The following PLEKHA5 variants were observed in gnomAD, a reference collection of about 807,000 sequenced individuals.
The protein encoded by PLEKHA5 is pleckstrin homology domain containing A5.
A neutral mutation model predicts 181.9 loss-of-function variants in PLEKHA5; 55 were observed. The ratio of observed to expected loss-of-function variants is 0.30; its 90% CI spans 0.24 to 0.38. PLEKHA5 has a LOEUF of 0.38. Ranked by LOEUF, PLEKHA5 falls within the 10% of genes least tolerant of loss-of-function variation. The probability of loss-of-function intolerance (pLI) is 1.00; values close to 1 mark genes in which losing one functional copy is unlikely to be tolerated. For synonymous variants in PLEKHA5, 535 were observed against 529.4 expected (o/e 1.01, Z -0.15); for missense variants, 1,432 against 1,549.5 (o/e 0.92, Z 1.27).
chr12:19,297,388 C>A (rs1158421151), intron 15 of PLEKHA5, among the ~76,000 whole-genome samples: 1 of 150,024 alleles, frequency 6.7e-6, no homozygotes. Context: ...TTTGGGAGGC[C>A]GAGGCAGGTG....
Position 19,320,003 on chromosome 12 carries a change from T to C in PLEKHA5, c.2119-18T>C. On this transcript the variant is annotated intron_variant, in intron 16 of 31. Coordinates refer to ENST00000429027, the MANE Select transcript of PLEKHA5 (RefSeq NM_001256470.2). ...CTCTTTTCAATTAAACCCATCCTTTTCCTTCATTATCTTTTAGTTCTTAAG... is the reference window on the plus strand; with the variant it reads ...CTCTTTTCAATTAAACCCATCCTTTCCCTTCATTATCTTTTAGTTCTTAAG... 1 of 1,353,758 alleles carries C rather than the reference T, an allele frequency of 7.4e-7. No individual in the cohort carries two copies. Among genetic ancestry groups the C allele is most frequent in the Non-Finnish European group, 1.0e-6 (1 of 994,756 alleles). The allele number at this position is 1,353,758 out of a possible 1,614,324, so 83.9% of individuals were successfully genotyped here.
Position 19,283,642 on chromosome 12 carries a change from A to G in PLEKHA5, c.1676A>G (p.Tyr559Cys). Reference sequence around the variant, plus strand: ...CCTTCCCACGGGTCAATAGCTGCTTATCAGGGATACTCCCCTCAACGAACT... The same window carrying G: ...CCTTCCCACGGGTCAATAGCTGCTTGTCAGGGATACTCCCCTCAACGAACT... ...TSPSHGSIAA[Y>C]QGYSPQRTYR... is the part of the protein sequence containing the mutation. Residue 559 changes from tyrosine (Y) to cysteine (C), a missense_variant, in exon 12 of 32, where the codon TAT becomes TGT. Transcript: ENST00000429027. 1 of 1,614,144 alleles carries G rather than the reference A, an allele frequency of 6.2e-7. No homozygotes were observed. Among genetic ancestry groups the G allele is most frequent in the East Asian group, 2.2e-5 (1 of 44,872 alleles).
intron 3 of PLEKHA5, among the ~76,000 whole-genome samples, chr12:19,140,087 C>G (rs765213703): frequency 1.5e-4 from 23 of 152,160 alleles, no homozygotes; most frequent in Non-Finnish European, 2.6e-4. Context: ...ACATTTTGAA[C>G]TCATAGTTGT....
intron 5 of PLEKHA5, among the ~76,000 whole-genome samples, chr12:19,255,695 T>A (rs2066687067): frequency 6.6e-6 from 1 of 151,798 alleles, no homozygotes; most frequent in African/African-American, 2.4e-5. Context: ...ACAGGCTAAC[T>A]GAGCATAATG....
chr12:19,353,523 G>A lies in PLEKHA5; in HGVS notation c.3020-361G>A, dbSNP rs117278370. Among the ~76,000 whole-genome samples the A allele has an allele frequency of 6.5e-3, 976 of 150,298 alleles. 8 individuals are homozygous for A. Among genetic ancestry groups the A allele is most frequent in the African/African-American group, 0.022 (916 of 40,832 alleles). On this transcript the variant is annotated intron_variant, in intron 25 of 31. Transcript: ENST00000429027. ...GTTGCCCACGCTGGTGCAATGGTGC[G>A]ATCTCGGTTTACTGCAACCTCTGAC...
intron 15 of PLEKHA5, among the ~76,000 whole-genome samples, chr12:19,311,131 C>T (rs2086353801): frequency 6.6e-6 from 1 of 151,894 alleles, no homozygotes; most frequent in African/African-American, 2.4e-5. Flanking sequence ...CGTCGTAGAA[C>T]CTCTTTCAGA....
intron 3 of PLEKHA5, among the ~76,000 whole-genome samples, chr12:19,147,723 A>T (rs752366589): frequency 6.6e-6 from 1 of 152,036 alleles, no homozygotes; most frequent in Non-Finnish European, 1.5e-5. Context: ...TGTATAATTA[A>T]ACAGGTTTGA....
At chr12:19,198,009 T>C (rs1160658874) in intron 3 of PLEKHA5, among the ~76,000 whole-genome samples, 3 of 152,034 alleles carry the variant, frequency 2.0e-5, no homozygotes, top group Non-Finnish European at 4.4e-5. Context: ...TGCTCACTTC[T>C]CTCCATCTCT....
intron 3 of PLEKHA5, among the ~76,000 whole-genome samples, chr12:19,160,783 G>C (rs776261648): frequency 1.1e-4 from 16 of 151,960 alleles, no homozygotes; most frequent in Non-Finnish European, 2.1e-4. Flanking sequence ...ACAGTGCTGG[G>C]TCAATGTATG....
chr12:19,261,143 C>G (rs1425500671), intron 7 of PLEKHA5, 122 bp downstream of exon 7: 3 of 526,970 alleles, frequency 5.7e-6, no homozygotes, highest in Non-Finnish European at 1.0e-5. Context: ...CAAATAGTAT[C>G]AAACAGATTT....
At chr12:19,272,406 G>A (rs1186052223) in intron 10 of PLEKHA5, among the ~76,000 whole-genome samples, 1 of 151,684 alleles carries the variant, frequency 6.6e-6, no homozygotes, top group African/African-American at 2.4e-5. Context: ...ATAAATCTTG[G>A]GGAAAAAGAA....
At chr12:19,152,417 C>T (rs1483681139) in intron 3 of PLEKHA5, 1 of 152,160 alleles carries the variant, frequency 6.6e-6, no homozygotes, top group Non-Finnish European at 1.5e-5. Flanking sequence ...AGAGACTGTA[C>T]ATGAAGAATA....
intron 3 of PLEKHA5, among the ~76,000 whole-genome samples, chr12:19,173,270 G>T (rs554922428): frequency 1.3e-5 from 2 of 151,370 alleles, no homozygotes; most frequent in Admixed American, 6.6e-5. Context: ...TGATCCACCC[G>T]CCTCGGCCTC....
chr12:19,181,370 A>G (rs73056362), intron 3 of PLEKHA5, among the ~76,000 whole-genome samples: 576 of 152,388 alleles, frequency 3.8e-3, no homozygotes, highest in Non-Finnish European at 6.0e-3. Flanking sequence ...CAATAATTGT[A>G]TAGCATTGAA....
intron 29 of PLEKHA5, among the ~76,000 whole-genome samples, chr12:19,363,130 T>TTTTG (rs1565667488): frequency 6.6e-6 from 1 of 150,436 alleles, no homozygotes; most frequent in African/African-American, 2.4e-5. Flanking sequence ...TTGTTTTTTT[T>TTTTG]TTGTTGTTGT....
At chr12:19,247,646 CTGATTGTAGTAAA>C (rs2064080476) in intron 3 of PLEKHA5, among the ~76,000 whole-genome samples, 1 of 151,524 alleles carries the variant, frequency 6.6e-6, no homozygotes, top group South Asian at 2.1e-4. Context: ...ATTTACTCTT[CTGATTGTAGTAAA>C]TGATTAAAAC....
At chr12:19,337,746 A>T (rs2093563720) in intron 21 of PLEKHA5, among the ~76,000 whole-genome samples, 1 of 152,086 alleles carries the variant, frequency 6.6e-6, no homozygotes, top group African/African-American at 2.4e-5. Flanking sequence ...GTTAAGTTCA[A>T]GACCAACCAG....
chr12:19,205,347 T>G (rs2055170008), intron 3 of PLEKHA5: 1 of 983,642 alleles, frequency 1.0e-6, no homozygotes, highest in Non-Finnish European at 1.2e-6. Flanking sequence ...GGTGTGCCCC[T>G]TTGTCATCGT....
chr12:19,322,344 T>C lies in PLEKHA5; in HGVS notation c.2252T>C (p.Val751Ala), dbSNP rs774764582. ...AGCCGATTATGTGAACAAGATAAAG[T>C]GGTGCATGCTCTGGAAGAGAAACTT... ...KLSRLCEQDK[V>A]VHALEEKLQQ... is the part of the protein sequence containing the mutation. Residue 751 changes from valine to alanine, a missense_variant, in exon 19 of 32, where the codon GTG (valine) becomes GCG (alanine). By Grantham distance (64) the Val-to-Ala change is moderately conservative. Around this residue, in one of 2 missense-constraint regions of PLEKHA5, gnomAD observed 1,143 missense variants for 1,168.4 expected, o/e 0.98. Coordinates refer to ENST00000429027, the MANE Select transcript of PLEKHA5 (RefSeq NM_001256470.2). 1.9e-6 allele frequency: 3 copies of C among 1,613,550 alleles called. No individual in the cohort carries two copies. The highest frequency in any genetic ancestry group is 2.5e-6 in the Non-Finnish European group (3 of 1,179,554).
Sources: allele counts gnomAD v4.1 joint callset (sites outside exome capture counted in the v4.1 genomes callset), GRCh38; gene constraint gnomAD v4.1.1; regional missense constraint gnomAD v4.1.1; transcripts MANE v1.5; gene names NCBI Gene and HGNC (gene_info 2026-07-23, HGNC 2026-07-21).